Variants in CACNA1C observed in about 807,000 individuals in gnomAD.
The protein encoded by CACNA1C is calcium voltage-gated channel subunit alpha1 C, also known as voltage-dependent L-type calcium channel subunit alpha-1C.
CACNA1C carries 30 observed loss-of-function variants against 229.0 expected under a neutral mutation model. The observed-to-expected ratio is 0.13, with a 90% CI of 0.10 to 0.18. CACNA1C has a LOEUF of 0.18. Among genes scored for constraint, CACNA1C ranks in the 10% least tolerant of loss-of-function variants. The pLI is 1.00. For synonymous variants in CACNA1C, 1,114 were observed against 1,132.5 expected (o/e 0.98, Z 0.33); for missense variants, 1,658 against 2,845.0 (o/e 0.58, Z 9.49).
In CACNA1C at chr12:2,567,682, G is replaced by A. The variant is rs201392574; in HGVS notation, c.1783G>A (p.Val595Ile). The A allele has an allele frequency of 1.1e-4, 177 of 1,613,664 alleles. No individual in the cohort carries two copies. The highest frequency in any genetic ancestry group is 1.8e-4 in the South Asian group (16 of 90,954). The change falls in exon 13 of 47, where the codon GTC becomes ATC. Residue 595 changes from valine to isoleucine, a missense_variant. Physicochemically the swap from Val to Ile is conservative, Grantham distance 29. Transcript: ENST00000399655. Reference sequence around the variant, plus strand: ...CCTCTTCAACCGCTTTGACTGCTTCGTCGTGTGTGGCGGCATCCTGGAGAC... The same window carrying A: ...CCTCTTCAACCGCTTTGACTGCTTCATCGTGTGTGGCGGCATCCTGGAGAC... ...VSLFNRFDCF[V>I]VCGGILETIL...
In CACNA1C at chr12:2,181,722, A is replaced by G. The variant is rs1395501416; in HGVS notation, c.477+61292A>G. On this transcript the variant is annotated intron_variant, in intron 3 of 46. Transcript: ENST00000399655. The surrounding 1 kb of genome is among the most constrained non-coding windows in gnomAD (Gnocchi z 4.0). ...CCCACATCCACGATATCGTTTTTTT[A>G]CAGCTCATTACTGAATCCTCACAAT... 2.6e-5 allele frequency among the ~76,000 whole-genome samples: 4 copies of G among 152,104 alleles called. No individual in the cohort carries two copies. The highest frequency in any genetic ancestry group is 9.7e-5 in the African/African-American group (4 of 41,404).
chr12:2,194,206 TG>T (rs2097330230), intron 3 of CACNA1C, among the ~76,000 whole-genome samples: 1 of 70,900 alleles, frequency 1.4e-5, no homozygotes. Context: ...TGCTCCCCCC[TG>T]TGTTCCTCCT....
intron 3 of CACNA1C, among the ~76,000 whole-genome samples, chr12:2,190,846 G>A (rs1382138955): frequency 6.6e-6 from 1 of 152,188 alleles, no homozygotes; most frequent in Admixed American, 6.5e-5. Flanking sequence ...CTGCCGACAG[G>A]CTGTGCCATC....
At chr12:2,573,891 G>A (rs1262072813) in intron 13 of CACNA1C, among the ~76,000 whole-genome samples, 4 of 152,198 alleles carry the variant, frequency 2.6e-5, no homozygotes, top group African/African-American at 9.7e-5. Context: ...GATGCCTGAA[G>A]GGAGCAGATG....
intron 3 of CACNA1C, among the ~76,000 whole-genome samples, chr12:2,207,081 T>C (rs889930101): frequency 1.3e-5 from 2 of 152,172 alleles, no homozygotes; most frequent in Non-Finnish European, 1.5e-5. Context: ...GGACTTGCTT[T>C]GGGGATGTGT....
At chr12:1,976,483 T>C (rs2034396679) in intron 1 of CACNA1C, among the ~76,000 whole-genome samples, 1 of 152,198 alleles carries the variant, frequency 6.6e-6, no homozygotes, top group African/African-American at 2.4e-5. Flanking sequence ...ATAGGTTACC[T>C]ATTCTGACTA....
intron 7 of CACNA1C, among the ~76,000 whole-genome samples, chr12:2,503,896 TG>T (rs1217439520): frequency 6.6e-6 from 1 of 152,204 alleles, no homozygotes; most frequent in Non-Finnish European, 1.5e-5. Context: ...TGTGAAGCAC[TG>T]GGGTTTAGCC....
chr12:2,401,117 A>C (rs1009848142), intron 3 of CACNA1C, among the ~76,000 whole-genome samples: 8 of 152,130 alleles, frequency 5.3e-5, no homozygotes, highest in Non-Finnish European at 1.2e-4. Context: ...GATGGCTCTT[A>C]GTGACACCTC....
At chr12:2,276,882 G>C (rs2088438110) in intron 3 of CACNA1C, among the ~76,000 whole-genome samples, 3 of 152,078 alleles carry the variant, frequency 2.0e-5, no homozygotes, top group Admixed American at 2.0e-4. Context: ...TGAATCACTG[G>C]GGCAGGGACC....
chr12:2,551,136 G>A (rs1431766000), intron 10 of CACNA1C, among the ~76,000 whole-genome samples: 1 of 152,172 alleles, frequency 6.6e-6, no homozygotes, highest in African/African-American at 2.4e-5. Context: ...AGGCTTCAAA[G>A]TCTGTCAGTT....
chr12:2,251,092 G>A (rs1031721253), intron 3 of CACNA1C, among the ~76,000 whole-genome samples: 5 of 152,360 alleles, frequency 3.3e-5, no homozygotes, highest in African/African-American at 1.2e-4. Context: ...AGAGGGATGT[G>A]TGTCTGCTCA....
intron 3 of CACNA1C, among the ~76,000 whole-genome samples, chr12:2,426,189 C>A (rs923583817): frequency 6.6e-6 from 1 of 152,112 alleles, no homozygotes; most frequent in Non-Finnish European, 1.5e-5. Context: ...ATACGCCCAC[C>A]CTGTGCAAAA....
At chr12:2,372,435 T>C (rs2097895102) in intron 3 of CACNA1C, among the ~76,000 whole-genome samples, 1 of 152,112 alleles carries the variant, frequency 6.6e-6, no homozygotes, top group African/African-American at 2.4e-5. Flanking sequence ...CAACATCAGG[T>C]TGACTCGTTG....
Position 2,129,965 on chromosome 12 carries a change from A to G in CACNA1C, c.477+9535A>G, listed in dbSNP as rs150585400. On this transcript the variant is annotated intron_variant, in intron 3 of 46. Coordinates refer to ENST00000399655, the MANE Select transcript of CACNA1C (RefSeq NM_000719.7). Reference sequence around the variant, plus strand: ...TGGGGCTTACTTATGAATAAAGTGCATTAGCTTTAATTTATGGGTTTTATA... The same window carrying G: ...TGGGGCTTACTTATGAATAAAGTGCGTTAGCTTTAATTTATGGGTTTTATA... Among the ~76,000 whole-genome samples the G allele has an allele frequency of 7.5e-4, 114 of 152,328 alleles. 3 individuals are homozygous for G. In the Middle Eastern group the frequency reaches 0.01, roughly 14 times the overall value.
At position 2,214,806 on chromosome 12, in the gene CACNA1C, C is replaced by T. The variant is rs913698830; in HGVS notation, c.477+94376C>T. ...TTCACAGGCAGACACTTCTAGTTAG[C>T]GCACATGGTTGATGGACATGTGAGG... On this transcript the variant is annotated intron_variant, in intron 3 of 46. Coordinates refer to ENST00000399655, the MANE Select transcript of CACNA1C (RefSeq NM_000719.7). Among the ~76,000 whole-genome samples the T allele has an allele frequency of 2.5e-4, 30 of 118,470 alleles. 1 individual carries two copies. Among genetic ancestry groups the T allele is most frequent in the African/African-American group, 9.3e-4 (25 of 26,770 alleles). The allele number at this position is 118,470 out of a possible 152,430, so 77.7% of individuals were successfully genotyped here.
chr12:2,234,361 A>G (rs1054809015), intron 3 of CACNA1C, among the ~76,000 whole-genome samples: 2 of 152,212 alleles, frequency 1.3e-5, no homozygotes, highest in East Asian at 1.9e-4. Flanking sequence ...CTTGAGAGGA[A>G]GGGAACACTC....
At chr12:2,002,325 A>G (rs1051874923) in intron 1 of CACNA1C, among the ~76,000 whole-genome samples, 2 of 152,202 alleles carry the variant, frequency 1.3e-5, no homozygotes, top group African/African-American at 4.8e-5. Flanking sequence ...CAGTGGTCAT[A>G]ATTAGTTTGC....
At chr12:2,529,574 C>T (rs182695216) in intron 9 of CACNA1C, among the ~76,000 whole-genome samples, 2 of 152,330 alleles carry the variant, frequency 1.3e-5, no homozygotes, top group East Asian at 3.9e-4. Context: ...GGGAATGGAT[C>T]ACTTAGGCCT....
At chr12:2,549,576 CT>C (rs2099892804) in intron 9 of CACNA1C, among the ~76,000 whole-genome samples, 1 of 152,220 alleles carries the variant, frequency 6.6e-6, no homozygotes, top group South Asian at 2.1e-4. Context: ...GAAAGCTCCT[CT>C]TTCTGTGGCA....
Sources: gnomAD v4.1 joint callset for allele counts (sites outside exome capture counted in the v4.1 genomes callset) on GRCh38, gnomAD v4.1.1 for gene constraint, Gnocchi (gnomAD v3.1) non-coding constraint, MANE v1.5 for transcripts, NCBI Gene and HGNC (gene_info 2026-07-23, HGNC 2026-07-21) for gene names.